The following MX2 variants were observed in gnomAD, a reference collection of about 807,000 sequenced individuals.
The protein encoded by MX2 is interferon-induced GTP-binding protein Mx2.
Under a neutral mutation model 74.0 loss-of-function variants are expected in MX2, and 51 were observed. That is an observed-to-expected ratio of 0.69 (90% CI 0.55 to 0.87). The LOEUF is 0.87. Ranked by LOEUF, MX2 falls within the 40% of genes least tolerant of loss-of-function variation. MX2 has a pLI of 0.00. For missense variants in MX2, 832 were observed against 908.7 expected (o/e 0.92, Z 1.09); for synonymous variants, 369 against 339.3 (o/e 1.09, Z -0.96).
rs1032559811 is a variant in MX2 at position 41,366,153 on chromosome 21, T to C, written c.-72+4098T>C. On this transcript the variant is annotated intron_variant, in intron 1 of 13. Coordinates refer to ENST00000330714, the MANE Select transcript of MX2 (RefSeq NM_002463.2). The surrounding 1 kb of genome is among the most constrained non-coding windows in gnomAD (Gnocchi z 4.5). ...TCCAAACAACTCAGTAATAGTAGGCTGGGTGGTGTCCAACAGCTGCCTTCG... is the reference window on the plus strand; with the variant it reads ...TCCAAACAACTCAGTAATAGTAGGCCGGGTGGTGTCCAACAGCTGCCTTCG... 1.3e-5 allele frequency: 2 copies of C among 152,250 alleles called. No homozygotes were observed. Among genetic ancestry groups the C allele is most frequent in the African/African-American group, 4.8e-5 (2 of 41,458 alleles). 9.4% of individuals were successfully genotyped at this position (152,250 alleles called of 1,614,324 possible). A position where few individuals can be genotyped will look rare whatever the true frequency, so the allele number is the denominator to read the frequency against.
intron 4 of MX2, among the ~76,000 whole-genome samples, chr21:41,381,990 C>T (rs2145898801): frequency 6.6e-6 from 1 of 152,330 alleles, no homozygotes; most frequent in Admixed American, 6.5e-5. Context: ...CACACCATCA[C>T]CTCCACTGCA....
chr21:41,391,124 A>G (rs1452373366), intron 6 of MX2, among the ~76,000 whole-genome samples: 1 of 152,158 alleles, frequency 6.6e-6, no homozygotes, highest in African/African-American at 2.4e-5. Context: ...CCTGCGCTGA[A>G]TACAAGTGCT....
At chr21:41,400,918 G>T (rs1209083012) in intron 10 of MX2, 1 of 152,226 alleles carries the variant, frequency 6.6e-6, no homozygotes, top group Non-Finnish European at 1.5e-5. Flanking sequence ...CGTTGACCAG[G>T]CTGGTCTCGA....
Position 41,399,265 on chromosome 21 carries a change from A to G in MX2, c.1342A>G (p.Thr448Ala), listed in dbSNP as rs749604952. Residue 448 changes from threonine (T) to alanine (A), a missense_variant, in exon 10 of 14, where the codon ACC (threonine) becomes GCC (alanine). By Grantham distance (58) the Thr-to-Ala change is moderately conservative. Transcript: ENST00000330714. ...EGEEVVRENE[T>A]RLYNKIREDF... ...AGAAGAAGTTGTAAGGGAGAATGAG[A>G]CCCGTTTATACAACAAAATCAGAGA... 2 of 1,613,854 alleles carry G rather than the reference A, an allele frequency of 1.2e-6. No homozygotes were observed. The highest frequency in any genetic ancestry group is 2.7e-5 in the African/African-American group (2 of 75,032).
intron 12 of MX2, among the ~76,000 whole-genome samples, chr21:41,405,975 A>T (rs1803343327): frequency 6.6e-6 from 1 of 151,868 alleles, no homozygotes; most frequent in Admixed American, 6.6e-5. Flanking sequence ...AAGTGCTGGG[A>T]TTACAGGAAT....
rs937898675 is a variant in MX2 at position 41,375,429 on chromosome 21, T to G, written c.-71-1407T>G. 1.2e-4 allele frequency among the ~76,000 whole-genome samples: 19 copies of G among 152,242 alleles called. 1 individual carries two copies. Among genetic ancestry groups the G allele is most frequent in the Admixed American group, 6.5e-4 (10 of 15,288 alleles). ...ACACACATTGGTTCTCTCACAGCCC[T>G]GGAGGCTGGAAGTCCCAGATCAAGG... On this transcript the variant is annotated intron_variant, in intron 1 of 13. Transcript: ENST00000330714.
intron 8 of MX2, 71 bp downstream of exon 8, chr21:41,397,762 G>A (rs2089755477): frequency 5.9e-6 from 8 of 1,347,522 alleles, no homozygotes; most frequent in Non-Finnish European, 8.5e-6. Flanking sequence ...TCTGGAGTTG[G>A]CTAAGATGCC....
At chr21:41,390,138 G>A (rs1383845079) in intron 5 of MX2, 5 of 173,500 alleles carry the variant, frequency 2.9e-5, no homozygotes, top group East Asian at 1.5e-4. Context: ...CCTGGGCTCC[G>A]TGCTGGACTC....
chr21:41,395,650 G>A lies in MX2; in HGVS notation c.935G>A (p.Arg312Gln), dbSNP rs747345786. The A allele has an allele frequency of 3.3e-5, 53 of 1,614,030 alleles. No homozygotes were observed. The highest frequency in any genetic ancestry group is 1.7e-4 in the African/African-American group (13 of 74,898). Residue 312 changes from arginine (R) to glutamine (Q), a missense_variant, in exon 7 of 14, where the codon CGG (arginine) becomes CAG (glutamine). By Grantham distance (43) the Arg-to-Gln change is conservative. Coordinates refer to ENST00000330714, the MANE Select transcript of MX2 (RefSeq NM_002463.2). ...GTEKSVMNVV[R>Q]NLTYPLKKGY... ...GAGAAAAGCGTCATGAATGTGGTGCGGAACCTCACGTACCCCCTCAAGAAG... is the reference window on the plus strand; with the variant it reads ...GAGAAAAGCGTCATGAATGTGGTGCAGAACCTCACGTACCCCCTCAAGAAG...
chr21:41,369,843 C>T (rs1230392303), intron 1 of MX2, among the ~76,000 whole-genome samples: 2 of 151,608 alleles, frequency 1.3e-5, no homozygotes, highest in East Asian at 3.9e-4. Flanking sequence ...CCCGCCCCCG[C>T]CCCCGCTCCC....
At position 41,395,777 on chromosome 21, in the gene MX2, A is replaced by G. The variant is rs2089726590; in HGVS notation, c.1062A>G (p.Pro354=). 1 of 1,614,134 alleles carries G rather than the reference A, an allele frequency of 6.2e-7. No homozygotes were observed. Among genetic ancestry groups the G allele is most frequent in the Non-Finnish European group, 8.5e-7 (1 of 1,180,026 alleles). The change falls in exon 7 of 14, where the codon CCA becomes CCG. Residue 354 remains proline (P), a synonymous_variant. Coordinates refer to ENST00000330714, the MANE Select transcript of MX2 (RefSeq NM_002463.2). Reference sequence around the variant, plus strand: ...AAATTACATTCTTTCAAACACATCCATATTTCAGGTGAGACTCTTCAGGAA... The same window carrying G: ...AAATTACATTCTTTCAAACACATCCGTATTTCAGGTGAGACTCTTCAGGAA... ...KKEITFFQTH[P]YFRVLLEEGS...
At position 41,399,063 on chromosome 21, in the gene MX2, T is replaced by G. The variant is rs2089774972; in HGVS notation, c.1272+44T>G. The G allele has an allele frequency of 1.9e-6, 3 of 1,599,532 alleles. No homozygotes were observed. The Admixed American group carries it at 5.1e-5, about 27-fold the overall frequency. ...CTCCACGTGACACTGCATCCTTCCCTGGTGGCCCTGCAGCTGCCCTTCCCC... is the reference window on the plus strand; with the variant it reads ...CTCCACGTGACACTGCATCCTTCCCGGGTGGCCCTGCAGCTGCCCTTCCCC... On this transcript the variant is annotated intron_variant, in intron 9 of 13. Coordinates refer to ENST00000330714, the MANE Select transcript of MX2 (RefSeq NM_002463.2).
Position 41,398,908 on chromosome 21 carries a change from G to C in MX2, c.1161G>C (p.Pro387=), listed in dbSNP as rs375674584. 8.7e-6 allele frequency: 14 copies of C among 1,612,910 alleles called. No homozygotes were observed. The highest frequency in any genetic ancestry group is 1.2e-5 in the Non-Finnish European group (14 of 1,179,294). ...ATTGTTTTGTTTAGAAATCGCTCCCGTTGTTAGAAGGACAAATAAGGGAGA... is the reference window on the plus strand; with the variant it reads ...ATTGTTTTGTTTAGAAATCGCTCCCCTTGTTAGAAGGACAAATAAGGGAGA... ...ELIMHIQKSL[P]LLEGQIRESH... The change falls in exon 9 of 14, where the codon CCG becomes CCC. Residue 387 remains proline, a synonymous_variant. Transcript: ENST00000330714.
chr21:41,364,010 C>T (rs879188347), intron 1 of MX2: 2 of 154,690 alleles, frequency 1.3e-5, no homozygotes, highest in South Asian at 4.1e-4. Context: ...GCCCAGTTTC[C>T]TCATCTGCAG....
chr21:41,394,568 T>C lies in MX2; in HGVS notation c.872-1019T>C, dbSNP rs535018345. On this transcript the variant is annotated intron_variant, in intron 6 of 13. Transcript: ENST00000330714. ...TCTTTATTTCTCGTATATTACTAGA[T>C]TAATTTATCTGGAAAGAGAGGTTCA... 1.2e-4 allele frequency among the ~76,000 whole-genome samples: 18 copies of C among 152,322 alleles called. No individual in the cohort carries two copies. In the South Asian group the frequency reaches 2.3e-3, roughly 19 times the overall value.
chr21:41,367,458 A>G (rs960767566), intron 1 of MX2, among the ~76,000 whole-genome samples: 3 of 152,098 alleles, frequency 2.0e-5, no homozygotes, highest in African/African-American at 7.2e-5. Context: ...TGGTAATGTT[A>G]TAGGAAAGTG....
rs145342187 is a variant in MX2, at chr21:41,373,903, G to A, written c.-71-2933G>A. On this transcript the variant is annotated intron_variant, in intron 1 of 13. Coordinates refer to ENST00000330714, the MANE Select transcript of MX2 (RefSeq NM_002463.2). ...TGCACCCCCCTCCTAAACAGCAGGC[G>A]GGAACCAGCCCTGGGACAGGCTCCA... 7.6e-3 allele frequency: 1,155 copies of A among 151,734 alleles called. 10 individuals carry two copies. The highest frequency in any genetic ancestry group is 0.014 in the Middle Eastern group (4 of 290). 9.4% of individuals were successfully genotyped at this position (151,734 alleles called of 1,614,324 possible). A position where few individuals can be genotyped will look rare whatever the true frequency, so the allele number is the denominator to read the frequency against.
At chr21:41,389,125 A>G (rs1427928069) in intron 5 of MX2, among the ~76,000 whole-genome samples, 2 of 152,078 alleles carry the variant, frequency 1.3e-5, no homozygotes, top group African/African-American at 2.4e-5. Flanking sequence ...CAACTAAAGG[A>G]CGATCAACGT....
At chr21:41,383,654 A>T (rs1282245083) in intron 5 of MX2, among the ~76,000 whole-genome samples, 2 of 152,194 alleles carry the variant, frequency 1.3e-5, no homozygotes, top group Admixed American at 6.5e-5. Context: ...ACCCAACCAC[A>T]ACCAAATTAA....
Sources: allele counts gnomAD v4.1 joint callset (sites outside exome capture counted in the v4.1 genomes callset), GRCh38; gene constraint gnomAD v4.1.1; non-coding constraint Gnocchi (gnomAD v3.1); transcripts MANE v1.5; gene names NCBI Gene and HGNC (gene_info 2026-07-23, HGNC 2026-07-21).